The following CEP164 variants were observed in gnomAD, a reference collection of about 807,000 sequenced individuals.
CEP164 encodes centrosomal protein 164.
CEP164 carries 162 observed loss-of-function variants against 182.7 expected under a neutral mutation model. The observed-to-expected ratio is 0.89, with a 90% CI of 0.78 to 1.01. The LOEUF (loss-of-function observed/expected upper bound fraction) is 1.01. Ranked by LOEUF, CEP164 falls within the 50% of genes least tolerant of loss-of-function variation. CEP164 has a pLI of 0.00. For missense variants in CEP164, 1,735 were observed against 1,790.4 expected (o/e 0.97, Z 0.56); for synonymous variants, 661 against 690.0 (o/e 0.96, Z 0.66).
intron 11 of CEP164, among the ~76,000 whole-genome samples, chr11:117,378,828 G>A (rs2043016351): frequency 6.6e-6 from 1 of 152,186 alleles, no homozygotes; most frequent in African/African-American, 2.4e-5. Flanking sequence ...AAACAAGAAG[G>A]CAGAGGCCAG....
chr11:117,334,997 C>T (rs1445888706), intron 1 of CEP164, among the ~76,000 whole-genome samples: 3 of 152,022 alleles, frequency 2.0e-5, no homozygotes, highest in Admixed American at 2.0e-4. Context: ...GCTTATTCAC[C>T]CTAATGTTCA....
At position 117,394,256 on chromosome 11, in the gene CEP164, T is replaced by C. The variant is rs575159180; in HGVS notation, c.2617-94T>C. 9.4e-6 allele frequency: 14 copies of C among 1,496,832 alleles called. No individual in the cohort carries two copies. The Admixed American group carries it at 2.9e-4, about 31-fold the overall frequency. The allele number at this position is 1,496,832 out of a possible 1,614,324, so 92.7% of individuals were successfully genotyped here. A position where few individuals can be genotyped will look rare whatever the true frequency, so the allele number is the denominator to read the frequency against. On this transcript the variant is annotated intron_variant, in intron 20 of 32. Coordinates refer to ENST00000278935, the MANE Select transcript of CEP164 (RefSeq NM_014956.5). The surrounding 1 kb of genome is among the most constrained non-coding windows in gnomAD (Gnocchi z 4.0). Reference sequence around the variant, plus strand: ...AGGGAGCCGATGGTGTCCCTGATCTTACTGATGCAAGGCTGCAGGGCTAGG... The same window carrying C: ...AGGGAGCCGATGGTGTCCCTGATCTCACTGATGCAAGGCTGCAGGGCTAGG...
chr11:117,407,607 C>T (rs910689501), intron 27 of CEP164, among the ~76,000 whole-genome samples: 7 of 151,856 alleles, frequency 4.6e-5, no homozygotes, highest in African/African-American at 1.7e-4. Context: ...GAGTTGTAAT[C>T]AGGCCACTGC....
chr11:117,398,888 T>G (rs1473836512), intron 27 of CEP164, among the ~76,000 whole-genome samples: 1 of 152,240 alleles, frequency 6.6e-6, no homozygotes, highest in Non-Finnish European at 1.5e-5. Flanking sequence ...CTGGAGATAT[T>G]TTCCCCATTG....
intron 15 of CEP164, among the ~76,000 whole-genome samples, chr11:117,390,380 G>A (rs2044485089): frequency 6.6e-6 from 1 of 152,060 alleles, no homozygotes; most frequent in South Asian, 2.1e-4. Flanking sequence ...GGGCGCAGTG[G>A]CTCACACCTG....
At chr11:117,367,367 C>G (rs2041758266) in intron 8 of CEP164, among the ~76,000 whole-genome samples, 1 of 152,240 alleles carries the variant, frequency 6.6e-6, no homozygotes, top group South Asian at 2.1e-4. Flanking sequence ...CATTTTAATA[C>G]TACCCACGTT....
intron 4 of CEP164, 145 bp downstream of exon 4, chr11:117,344,422 G>T: frequency 1.7e-6 from 1 of 594,010 alleles, no homozygotes; most frequent in Non-Finnish European, 3.0e-6. Context: ...CTGCTATGCT[G>T]CCTGCTATTT....
chr11:117,325,080 T>C (rs907707591), upstream of CEP164, among the ~76,000 whole-genome samples: 1 of 151,974 alleles, frequency 6.6e-6, no homozygotes, highest in Non-Finnish European at 1.5e-5. Flanking sequence ...GACCTTTATT[T>C]ATTTATTTAT....
At chr11:117,355,211 G>A (rs1254829435) in intron 5 of CEP164, 3 of 1,289,832 alleles carry the variant, frequency 2.3e-6, no homozygotes, top group Non-Finnish European at 1.0e-6. Flanking sequence ...CAGGGCCCCA[G>A]CCCAATGCAG....
intron 5 of CEP164, among the ~76,000 whole-genome samples, chr11:117,358,600 A>G (rs776817685): frequency 1.1e-4 from 16 of 147,636 alleles, no homozygotes; most frequent in South Asian, 4.4e-4. Context: ...CTGGAGTTCA[A>G]TGGTGTGATC....
chr11:117,368,996 G>C (rs538276690), intron 8 of CEP164, among the ~76,000 whole-genome samples: 7 of 152,292 alleles, frequency 4.6e-5, no homozygotes, highest in African/African-American at 1.7e-4. Flanking sequence ...TATCACCACT[G>C]TGTCTAGTGG....
intron 4 of CEP164, among the ~76,000 whole-genome samples, chr11:117,347,930 A>G (rs1202073906): frequency 1.3e-5 from 2 of 152,168 alleles, no homozygotes; most frequent in East Asian, 3.9e-4. Flanking sequence ...ACAATTTTTT[A>G]TTCAATTTTC....
At chr11:117,379,035 A>G (rs759115226) in intron 11 of CEP164, among the ~76,000 whole-genome samples, 2 of 151,986 alleles carry the variant, frequency 1.3e-5, no homozygotes, top group Non-Finnish European at 2.9e-5. Flanking sequence ...AGAGAGGGAG[A>G]TATTTGATGA....
At chr11:117,332,476 T>C (rs1180928601) in intron 1 of CEP164, among the ~76,000 whole-genome samples, 1 of 152,128 alleles carries the variant, frequency 6.6e-6, no homozygotes, top group East Asian at 1.9e-4. Context: ...CTCAGGAGGC[T>C]GAGGCAGGAG....
intron 1 of CEP164, among the ~76,000 whole-genome samples, chr11:117,334,004 T>A (rs916481118): frequency 1.3e-5 from 2 of 152,240 alleles, no homozygotes; most frequent in Admixed American, 6.5e-5. Flanking sequence ...AGTGAATACC[T>A]ACTCATCATT....
chr11:117,339,515 G>GTTTTTCTT (rs2037749103), intron 3 of CEP164, among the ~76,000 whole-genome samples: 1 of 90,868 alleles, frequency 1.1e-5, no homozygotes, highest in Non-Finnish European at 2.1e-5. Context: ...CTTTTCCTTT[G>GTTTTTCTT]TTTTTTGTTT....
At position 117,395,155 on chromosome 11, in the gene CEP164, G is replaced by T; in HGVS notation, c.2877G>T (p.Leu959=). 3.1e-6 allele frequency: 5 copies of T among 1,614,130 alleles called. No individual in the cohort carries two copies. Among genetic ancestry groups the T allele is most frequent in the Non-Finnish European group, 4.2e-6 (5 of 1,180,032 alleles). The change falls in exon 23 of 33, where the codon CTG becomes CTT. Residue 959 remains leucine, a synonymous_variant. Transcript: ENST00000278935. ...EETARREKQQ[L]LDVQRQVALK... ...CCGCCCGGAGGGAGAAGCAGCAGCT[G>T]CTTGATGTGCAGAGGCAGGTTGCTC...
chr11:117,412,770 C>A lies in CEP164; in HGVS notation c.*602C>A. ...CCTCTCAGGACTGGGCTTAGCTGTC[C>A]AGAGCCCTGCCGGAGGGTGCTGGGG... On this transcript the variant is annotated 3_prime_UTR_variant, in exon 33 of 33. Transcript: ENST00000278935. 6.5e-6 allele frequency: 1 copy of A among 153,136 alleles called. No homozygotes were observed. The highest frequency in any genetic ancestry group is 1.5e-5 in the Non-Finnish European group (1 of 68,430). 9.5% of individuals were successfully genotyped at this position (153,136 alleles called of 1,614,324 possible).
At chr11:117,373,462 G>A (rs920662485) in intron 9 of CEP164, among the ~76,000 whole-genome samples, 24 of 152,020 alleles carry the variant, frequency 1.6e-4, no homozygotes, top group African/African-American at 5.1e-4. Context: ...CTTTCTAACC[G>A]TCTCTGCTAC....
Sources: gnomAD v4.1 joint callset for allele counts (sites outside exome capture counted in the v4.1 genomes callset) on GRCh38, gnomAD v4.1.1 for gene constraint, Gnocchi (gnomAD v3.1) non-coding constraint, MANE v1.5 for transcripts, NCBI Gene and HGNC (gene_info 2026-07-23, HGNC 2026-07-21) for gene names.